Variants in WDPCP observed in about 807,000 individuals in gnomAD.
The protein encoded by WDPCP is WD repeat-containing and planar cell polarity effector protein fritz homolog.
WDPCP carries 71 observed loss-of-function variants against 93.1 expected under a neutral mutation model. The observed-to-expected ratio is 0.76, with a 90% confidence interval of 0.63 to 0.93. The LOEUF is 0.93. WDPCP is among the 40% of genes least tolerant of loss of function. The pLI is 0.00. For synonymous variants in WDPCP, 315 were observed against 315.0 expected (o/e 1.00, Z 0.00); for missense variants, 844 against 887.4 (o/e 0.95, Z 0.62).
At chr2:63,295,559 T>C (rs957647199) in intron 13 of WDPCP, among the ~76,000 whole-genome samples, 13 of 142,230 alleles carry the variant, frequency 9.1e-5, no homozygotes, top group African/African-American at 3.4e-4. Flanking sequence ...GAATATTATA[T>C]AAGTACAATC....
rs78178183 is a variant in WDPCP, at chr2:63,224,928, A to G, written c.1915+34379T>C. ...ATGATGTATAAATATAGGCTCACCA[A>G]TTGTAACAGATGTACCATTCTAGAA... On this transcript the variant is annotated intron_variant, in intron 14 of 17. Transcript: ENST00000272321. 1.5e-3 allele frequency among the ~76,000 whole-genome samples: 222 copies of G among 152,058 alleles called. 1 individual carries two copies. Among genetic ancestry groups the G allele is most frequent in the African/African-American group, 5.0e-3 (206 of 41,556 alleles).
chr2:63,155,048 G>T (rs921136094), intron 15 of WDPCP, among the ~76,000 whole-genome samples: 1 of 152,242 alleles, frequency 6.6e-6, no homozygotes. Context: ...CAACTCCTTT[G>T]CTGGATATGT....
chr2:63,486,464 CT>C, intron 4 of WDPCP, 77 bp downstream of exon 4: 3 of 1,366,046 alleles, frequency 2.2e-6, no homozygotes, highest in Middle Eastern at 2.5e-4. Context: ...AAAGTTTCCT[CT>C]TTGTTCCAGA....
chr2:63,279,911 A>G (rs1430615722), intron 13 of WDPCP, among the ~76,000 whole-genome samples: 1 of 152,208 alleles, frequency 6.6e-6, no homozygotes, highest in Non-Finnish European at 1.5e-5. Flanking sequence ...ACTTAGGAAT[A>G]TATCTAACAA....
intron 6 of WDPCP, among the ~76,000 whole-genome samples, chr2:63,444,249 T>C (rs1398910152): frequency 6.6e-6 from 1 of 152,178 alleles, no homozygotes; most frequent in Non-Finnish European, 1.5e-5. Context: ...TATTTCCAAA[T>C]GTCCTATGGA....
intron 9 of WDPCP, among the ~76,000 whole-genome samples, chr2:63,407,700 AT>A (rs1444649037): frequency 6.6e-6 from 1 of 152,252 alleles, no homozygotes; most frequent in Non-Finnish European, 1.5e-5. Context: ...CTTTAAAAAA[AT>A]AATCTGTCTT....
chr2:63,440,700 A>C (rs1697451404), intron 6 of WDPCP: 2 of 152,608 alleles, frequency 1.3e-5, no homozygotes, highest in South Asian at 4.1e-4. Context: ...CATTGGAAGA[A>C]ATTGTTTCAC....
chr2:63,290,476 G>A (rs918485972), intron 13 of WDPCP, among the ~76,000 whole-genome samples: 1 of 53,254 alleles, frequency 1.9e-5, no homozygotes, highest in Non-Finnish European at 3.0e-5. Flanking sequence ...AATGAGGAAA[G>A]ACTTAATATT....
chr2:63,132,531 T>G (rs2153400168), intron 17 of WDPCP, among the ~76,000 whole-genome samples: 1 of 149,828 alleles, frequency 6.7e-6, no homozygotes, highest in African/African-American at 2.5e-5. Flanking sequence ...TATTCTTTTG[T>G]TCTTTTTGTA....
chr2:63,801,921 CA>C (rs1201667476), intron 2 of WDPCP, among the ~76,000 whole-genome samples: 3 of 152,084 alleles, frequency 2.0e-5, no homozygotes, highest in African/African-American at 7.3e-5. Flanking sequence ...TCACTTATGC[CA>C]TATTCTATCT....
chr2:63,519,376 G>GCACTCCTGCACTTGCCAGTGCCCTGC (rs1248922926), intron 1 of WDPCP: 17 of 152,242 alleles, frequency 1.1e-4, no homozygotes, highest in Non-Finnish European at 1.8e-4. Context: ...AGAGAGGCTG[G>GCACTCCTGCACTTGCCAGTGCCCTGC]CACTCCTGCA....
chr2:63,756,177 C>T (rs1669965704), intron 2 of WDPCP, among the ~76,000 whole-genome samples: 1 of 152,180 alleles, frequency 6.6e-6, no homozygotes, highest in Admixed American at 6.5e-5. Flanking sequence ...TTTTCCTAAA[C>T]ATTTAACAAC....
chr2:63,359,104 C>T (rs1350049043), intron 12 of WDPCP, among the ~76,000 whole-genome samples: 1 of 152,000 alleles, frequency 6.6e-6, no homozygotes, highest in Non-Finnish European at 1.5e-5. Context: ...TTCCCTCATT[C>T]CCTTCCCTTC....
At chr2:63,211,844 CG>C (rs916807761) in intron 14 of WDPCP, among the ~76,000 whole-genome samples, 1 of 151,902 alleles carries the variant, frequency 6.6e-6, no homozygotes, top group African/African-American at 2.4e-5. Flanking sequence ...GTAGCCAATT[CG>C]ATCAAGTGGA....
chr2:63,835,261 G>GC, the WDPCP span, among the ~76,000 whole-genome samples: 1 of 151,616 alleles, frequency 6.6e-6, no homozygotes, highest in Non-Finnish European at 1.5e-5. Context: ...GAGGTGGCAG[G>GC]CCCCTGTAAT....
At chr2:63,122,152 G>C in intron 17 of WDPCP, 96 bp from the exon 18 acceptor site, 1 of 1,011,312 alleles carries the variant, frequency 9.9e-7, no homozygotes, top group Non-Finnish European at 1.5e-6. Flanking sequence ...GAAAAATAGT[G>C]AAACAAAATA....
intron 2 of WDPCP, among the ~76,000 whole-genome samples, chr2:63,655,471 T>A (rs1710157446): frequency 6.6e-6 from 1 of 152,136 alleles, no homozygotes; most frequent in South Asian, 2.1e-4. Flanking sequence ...TTCTATAATT[T>A]TTTTTGCTTA....
At chr2:63,595,469 T>G (rs777712619) in intron 3 of WDPCP, 1 of 1,613,720 alleles carries the variant, frequency 6.2e-7, no homozygotes, top group Non-Finnish European at 8.5e-7. Flanking sequence ...ATGGGTGTCC[T>G]GGACGGTGTC....
At chr2:63,319,307 G>A (rs1686909248) in intron 12 of WDPCP, among the ~76,000 whole-genome samples, 1 of 152,036 alleles carries the variant, frequency 6.6e-6, no homozygotes, top group African/African-American at 2.4e-5. Context: ...TGAAAGGAAA[G>A]GGCCTAGTTT....
Sources: gnomAD v4.1 joint callset for allele counts (sites outside exome capture counted in the v4.1 genomes callset) on GRCh38, gnomAD v4.1.1 for gene constraint, MANE v1.5 for transcripts, NCBI Gene and HGNC (gene_info 2026-07-23, HGNC 2026-07-21) for gene names.